Variants in LOXHD1 observed in about 807,000 individuals in gnomAD.
The protein encoded by LOXHD1 is lipoxygenase homology domain-containing protein 1.
Under a neutral mutation model 248.2 loss-of-function variants are expected in LOXHD1, and 205 were observed. The ratio of observed to expected loss-of-function variants is 0.83; its 90% CI spans 0.74 to 0.93. The LOEUF (loss-of-function observed/expected upper bound fraction) is 0.93, where lower values mean the gene tolerates loss of function less well. Ranked by LOEUF, LOXHD1 falls within the 40% of genes least tolerant of loss-of-function variation. LOXHD1 has a pLI of 0.00. For synonymous variants in LOXHD1, 1,113 were observed against 1,162.8 expected (o/e 0.96, Z 0.87); for missense variants, 2,930 against 2,971.6 (o/e 0.99, Z 0.33).
At chr18:46,560,619 A>G (rs2037506215) in intron 18 of LOXHD1, 74 bp from the exon 19 acceptor site, 1 of 1,361,850 alleles carries the variant, frequency 7.3e-7, no homozygotes, top group African/African-American at 1.5e-5. Context: ...CCCGCCCAAC[A>G]AAGAGCCAGG....
chr18:46,480,789 C>T (rs553512554), intron 40 of LOXHD1, among the ~76,000 whole-genome samples: 13 of 152,314 alleles, frequency 8.5e-5, no homozygotes, highest in Non-Finnish European at 1.2e-4. Flanking sequence ...CACCAAAATG[C>T]TCATCATGGT....
Position 46,545,530 on chromosome 18 carries a change from A to G in LOXHD1, c.3515-109T>C, listed in dbSNP as rs1488233817. On this transcript the variant is annotated intron_variant, in intron 22 of 40. Transcript: ENST00000642948. Reference sequence around the variant, plus strand: ...AGGGCTTCCTTGATTCACTCCCTCTACCCCATCACTCCAATTTTTCTCTTG... The same window carrying G: ...AGGGCTTCCTTGATTCACTCCCTCTGCCCCATCACTCCAATTTTTCTCTTG... 26 of 754,506 alleles carry G rather than the reference A, an allele frequency of 3.4e-5. No homozygotes were observed. In the East Asian group the frequency reaches 5.4e-4, roughly 16 times the overall value. The allele number at this position is 754,506 out of a possible 1,614,324, so 46.7% of individuals were successfully genotyped here.
At chr18:46,654,777 C>T (rs1033937303) in intron 1 of LOXHD1, among the ~76,000 whole-genome samples, 7 of 152,196 alleles carry the variant, frequency 4.6e-5, no homozygotes, top group African/African-American at 1.4e-4. Flanking sequence ...ATGTGACCAC[C>T]GTTAGCATCA....
intron 21 of LOXHD1, among the ~76,000 whole-genome samples, chr18:46,553,542 T>C (rs2143917966): frequency 6.6e-6 from 1 of 152,342 alleles, no homozygotes; most frequent in African/African-American, 2.4e-5. Context: ...TAAATCAACA[T>C]ATTAACCATC....
chr18:46,501,013 T>C (rs1429343946), intron 37 of LOXHD1, among the ~76,000 whole-genome samples: 1 of 152,174 alleles, frequency 6.6e-6, no homozygotes, highest in African/African-American at 2.4e-5. Context: ...GTTTAATACA[T>C]GTAGTTTTTG....
At chr18:46,559,021 A>G (rs909763198) in intron 20 of LOXHD1, 1 of 673,096 alleles carries the variant, frequency 1.5e-6, no homozygotes, top group Non-Finnish European at 2.3e-6. Flanking sequence ...ATGTGGTTCC[A>G]TCTTCTGAGA....
Position 46,485,153 on chromosome 18 carries a change from T to C in LOXHD1, c.6050-2A>G, listed in dbSNP as rs1258811765. On this transcript the variant is annotated splice_acceptor_variant, in intron 38 of 40. Coordinates refer to ENST00000642948, the MANE Select transcript of LOXHD1 (RefSeq NM_001384474.1). LOFTEE classifies it high-confidence loss of function. ...CCGTTTCTATGACGATCTCGTAGGCTGTAATGGAGGAGGTGGGGGAGGGTC... is the reference window on the plus strand; with the variant it reads ...CCGTTTCTATGACGATCTCGTAGGCCGTAATGGAGGAGGTGGGGGAGGGTC... The C allele has an allele frequency of 1.9e-6, 3 of 1,548,408 alleles. No homozygotes were observed. The highest frequency in any genetic ancestry group is 2.4e-5 in the South Asian group (2 of 83,726).
At chr18:46,501,832 C>A (rs114398425) in intron 37 of LOXHD1, among the ~76,000 whole-genome samples, 108 of 152,276 alleles carry the variant, frequency 7.1e-4, no homozygotes, top group African/African-American at 2.5e-3. Flanking sequence ...GTTAGGCCTG[C>A]AAAGGACCTG....
intron 34 of LOXHD1, among the ~76,000 whole-genome samples, chr18:46,513,567 C>T (rs1039130791): frequency 1.3e-5 from 2 of 152,124 alleles, no homozygotes; most frequent in Non-Finnish European, 2.9e-5. Flanking sequence ...ATGGGAAGAC[C>T]TGGCCTTGAA....
chr18:46,560,935 C>T (rs1010207107), intron 18 of LOXHD1, among the ~76,000 whole-genome samples: 1 of 152,196 alleles, frequency 6.6e-6, no homozygotes, highest in African/African-American at 2.4e-5. Context: ...CCTTTATCCC[C>T]CTCCTCTACT....
At chr18:46,534,637 TC>T (rs2036226275) in intron 26 of LOXHD1, among the ~76,000 whole-genome samples, 186 bp from the exon 27 acceptor site, 1 of 152,194 alleles carries the variant, frequency 6.6e-6, no homozygotes, top group Admixed American at 6.5e-5. Context: ...ATGCCTCATG[TC>T]CCCTCTCTTA....
chr18:46,643,349 A>T (rs543958839), intron 2 of LOXHD1, among the ~76,000 whole-genome samples: 1 of 152,294 alleles, frequency 6.6e-6, no homozygotes, highest in Admixed American at 6.5e-5. Flanking sequence ...GAAGCAGGGC[A>T]AAGTGCCCAG....
chr18:46,541,510 A>T (rs1316860548), intron 25 of LOXHD1, among the ~76,000 whole-genome samples: 2 of 152,208 alleles, frequency 1.3e-5, no homozygotes, highest in Non-Finnish European at 2.9e-5. Context: ...GAGGAATCTG[A>T]ACCCTCGAGA....
intron 37 of LOXHD1, among the ~76,000 whole-genome samples, chr18:46,501,343 A>G (rs185499518): frequency 1.1e-4 from 16 of 152,210 alleles, no homozygotes; most frequent in Admixed American, 9.8e-4. Context: ...TGTCCTTTTC[A>G]TGGTCTATTT....
In LOXHD1 at chr18:46,538,169, C is replaced by A. The variant is rs374474061; in HGVS notation, c.4082G>T (p.Arg1361Leu). ...GAGCCCAAGTACCTCTACGATGAAG[C>A]GGGAGGCAGACTTCCTCTCAAAGAA... The part of the protein sequence containing the change: ...KQFFERKSAS[R>L]FIVELEDVGE... Residue 1361 changes from arginine to leucine, a missense_variant, in exon 26 of 41, where the codon CGC becomes CTC. Arg to Leu is a moderately radical substitution (Grantham distance 102). Coordinates refer to ENST00000642948, the MANE Select transcript of LOXHD1 (RefSeq NM_001384474.1). 1.3e-6 allele frequency: 2 copies of A among 1,532,162 alleles called. No homozygotes were observed. Among genetic ancestry groups the A allele is most frequent in the Middle Eastern group, 1.7e-4 (1 of 5,858 alleles). The allele number at this position is 1,532,162 out of a possible 1,614,324, so 94.9% of individuals were successfully genotyped here.
chr18:46,610,385 C>T (rs1253911250), intron 6 of LOXHD1, among the ~76,000 whole-genome samples: 3 of 150,080 alleles, frequency 2.0e-5, no homozygotes, highest in African/African-American at 2.5e-5. Context: ...GAACATCACA[C>T]ACCGGGGCCT....
At chr18:46,609,889 G>T (rs1016011405) in intron 6 of LOXHD1, among the ~76,000 whole-genome samples, 2 of 152,220 alleles carry the variant, frequency 1.3e-5, no homozygotes, top group South Asian at 4.1e-4. Flanking sequence ...GCCAGATAGA[G>T]CCAGGGACAC....
In LOXHD1 at chr18:46,527,389, C is replaced by A. The variant is rs1432177547; in HGVS notation, c.4530+1788G>T. On this transcript the variant is annotated intron_variant, in intron 29 of 40. Coordinates refer to ENST00000642948, the MANE Select transcript of LOXHD1 (RefSeq NM_001384474.1). Reference sequence around the variant, plus strand: ...ACAGGTGAGCTTTCCCAAGACTTGACAACATCCAGCACAAAGAGCTACCTG... The same window carrying A: ...ACAGGTGAGCTTTCCCAAGACTTGAAAACATCCAGCACAAAGAGCTACCTG... 2.6e-5 allele frequency among the ~76,000 whole-genome samples: 4 copies of A among 152,200 alleles called. No individual in the cohort carries two copies. The East Asian group carries it at 7.7e-4, about 29-fold the overall frequency.
At chr18:46,581,407 G>A (rs769254748) in intron 12 of LOXHD1, among the ~76,000 whole-genome samples, 8 of 152,128 alleles carry the variant, frequency 5.3e-5, no homozygotes, top group Non-Finnish European at 1.2e-4. Flanking sequence ...AAGGAGTAGG[G>A]GAGTCTTGGG....
Sources: allele counts gnomAD v4.1 joint callset (sites outside exome capture counted in the v4.1 genomes callset), GRCh38; gene constraint gnomAD v4.1.1; transcripts MANE v1.5; gene names NCBI Gene and HGNC (gene_info 2026-07-23, HGNC 2026-07-21).